The following ANXA3 variants were observed in gnomAD, a reference collection of about 807,000 sequenced individuals.
ANXA3 encodes annexin A3.
ANXA3 carries 46 observed loss-of-function variants against 48.8 expected under a neutral mutation model. The ratio of observed to expected loss-of-function variants is 0.94; its 90% CI spans 0.74 to 1.21. ANXA3 has a LOEUF of 1.21. Ranked by LOEUF, ANXA3 falls within the 50% of genes most tolerant of loss-of-function variation. ANXA3 has a pLI of 0.00. For missense variants in ANXA3, 383 were observed against 378.6 expected (o/e 1.01, Z -0.10); for synonymous variants, 128 against 134.7 (o/e 0.95, Z 0.35).
At chr4:78,585,298 A>C (rs1723148399) in intron 5 of ANXA3, among the ~76,000 whole-genome samples, 1 of 152,216 alleles carries the variant, frequency 6.6e-6, no homozygotes, top group Admixed American at 6.5e-5. Context: ...CCATTATCAG[A>C]GACTCAGTCT....
intron 2 of ANXA3, among the ~76,000 whole-genome samples, chr4:78,555,702 T>G (rs1327440106): frequency 1.3e-5 from 2 of 151,338 alleles, no homozygotes; most frequent in East Asian, 3.9e-4. Context: ...ACTTTAAAAA[T>G]TAGCTGAACG....
At chr4:78,606,575 C>A (rs1475173215) in intron 12 of ANXA3, among the ~76,000 whole-genome samples, 1 of 152,108 alleles carries the variant, frequency 6.6e-6, no homozygotes, top group African/African-American at 2.4e-5. Context: ...TCGCTATGGC[C>A]CTACCCACAA....
chr4:78,566,185 A>G lies in ANXA3; in HGVS notation c.16-6995A>G, dbSNP rs570344494. Reference sequence around the variant, plus strand: ...CCAAGGGGTCAAGGCTTCTTATTATAACTCATGTGTCATGGAAAATACAAC... The same window carrying G: ...CCAAGGGGTCAAGGCTTCTTATTATGACTCATGTGTCATGGAAAATACAAC... On this transcript the variant is annotated intron_variant, in intron 2 of 12. Coordinates refer to ENST00000264908, the MANE Select transcript of ANXA3 (RefSeq NM_005139.3). Among the ~76,000 whole-genome samples, 4 of 152,236 alleles carry G rather than the reference A, an allele frequency of 2.6e-5. No homozygotes were observed. In the East Asian group the frequency reaches 7.7e-4, roughly 29 times the overall value.
chr4:78,578,001 G>A (rs768578451), intron 3 of ANXA3, among the ~76,000 whole-genome samples: 2 of 151,926 alleles, frequency 1.3e-5, no homozygotes, highest in Non-Finnish European at 2.9e-5. Flanking sequence ...GAGAGAGGCC[G>A]GGTACGGTGG....
intron 2 of ANXA3, among the ~76,000 whole-genome samples, chr4:78,566,601 G>A (rs1053316442): frequency 8.3e-5 from 12 of 144,696 alleles, no homozygotes; most frequent in Admixed American, 2.1e-4. Flanking sequence ...TTATAAGTGG[G>A]AGCTAAACAA....
chr4:78,575,193 A>AT (rs748004301), intron 3 of ANXA3, among the ~76,000 whole-genome samples: 16 of 151,508 alleles, frequency 1.1e-4, no homozygotes, highest in Non-Finnish European at 2.4e-4. Context: ...TATTTTATCT[A>AT]TTTTTTTCAG....
Position 78,591,603 on chromosome 4 carries a change from G to C in ANXA3, c.463G>C (p.Ala155Pro). ...SSETSGDFRK[A>P]LLTLADGRRD... ...CGAAACATCTGGTGACTTCCGGAAA[G>C]CTCTGTTGACTTTGGCAGATGTAAG... Residue 155 changes from alanine to proline, a missense_variant, in exon 7 of 13, where the codon GCT (alanine) becomes CCT (proline). Ala to Pro is a conservative substitution (Grantham distance 27). Transcript: ENST00000264908. 6.2e-7 allele frequency: 1 copy of C among 1,613,502 alleles called. No individual in the cohort carries two copies. The highest frequency in any genetic ancestry group is 8.5e-7 in the Non-Finnish European group (1 of 1,179,552).
chr4:78,601,835 T>G lies in ANXA3; in HGVS notation c.789+267T>G, dbSNP rs539095922. On this transcript the variant is annotated intron_variant, in intron 11 of 12. Coordinates refer to ENST00000264908, the MANE Select transcript of ANXA3 (RefSeq NM_005139.3). ...TGATTTCTATTTAACTAAAACATTC[T>G]CATTTTCTCTAATATGATGAGTTTA... The G allele has an allele frequency of 1.3e-5, 4 of 314,734 alleles. No homozygotes were observed. The East Asian group carries it at 2.2e-4, about 17-fold the overall frequency. The allele number at this position is 314,734 out of a possible 1,614,324, so 19.5% of individuals were successfully genotyped here. A position where few individuals can be genotyped will look rare whatever the true frequency, so the allele number is the denominator to read the frequency against.
intron 2 of ANXA3, among the ~76,000 whole-genome samples, chr4:78,563,313 G>C (rs1722661501): frequency 6.6e-6 from 1 of 152,166 alleles, no homozygotes; most frequent in African/African-American, 2.4e-5. Flanking sequence ...CATCCTCATA[G>C]GAGTGAGGTG....
At position 78,557,557 on chromosome 4, in the gene ANXA3, T is replaced by C. The variant is rs181408811; in HGVS notation, c.15+3069T>C. On this transcript the variant is annotated intron_variant, in intron 2 of 12. Transcript: ENST00000264908. ...TATGGCTACATCAGGGATGGTAGCA[T>C]TTGGCATCAGATAGCAGGAAAGAGG... is the stretch of plus-strand genomic sequence containing the variant. Among the ~76,000 whole-genome samples the C allele has an allele frequency of 2.6e-3, 395 of 152,242 alleles. 3 individuals are homozygous for C. The highest frequency in any genetic ancestry group is 4.7e-3 in the Non-Finnish European group (318 of 68,022).
At chr4:78,598,707 C>T (rs1469555973) in intron 10 of ANXA3, among the ~76,000 whole-genome samples, 5 of 151,762 alleles carry the variant, frequency 3.3e-5, no homozygotes, top group Non-Finnish European at 7.4e-5. Flanking sequence ...GCCTGGCTAA[C>T]GTTTGTATTT....
intron 7 of ANXA3, among the ~76,000 whole-genome samples, chr4:78,593,428 C>T (rs1174138153): frequency 6.6e-6 from 1 of 151,528 alleles, no homozygotes; most frequent in Non-Finnish European, 1.5e-5. Flanking sequence ...TCTCAAACTC[C>T]TGACCTCAAT....
rs149448938 is a variant in ANXA3 at position 78,601,370 on chromosome 4, A to C, written c.731-140A>C. 4.6e-4 allele frequency: 312 copies of C among 675,196 alleles called. 2 individuals carry two copies. In the East Asian group the frequency reaches 8.6e-3, roughly 19 times the overall value. 41.8% of individuals were successfully genotyped at this position (675,196 alleles called of 1,614,324 possible). ...AATCAGGGTAAGCAGCCTTTCTTTC[A>C]TTCCAAGTAAAAGCCAGTTGTGGGG... On this transcript the variant is annotated intron_variant, in intron 10 of 12. Transcript: ENST00000264908.
chr4:78,554,331 G>A, intron 1 of ANXA3, 105 bp from the exon 2 acceptor site: 1 of 802,748 alleles, frequency 1.2e-6, no homozygotes, highest in South Asian at 1.5e-5. Context: ...GTTTTTCTGT[G>A]AATGTTGACA....
rs1056145136 is a variant in ANXA3 at position 78,560,588 on chromosome 4, C to T, written c.15+6100C>T. On this transcript the variant is annotated intron_variant, in intron 2 of 12. Transcript: ENST00000264908. ...AGTGTCCAGAATTGTAATTGGAGTTCCATTATGTAGACACGAATGATTGAT... is the reference window on the plus strand; with the variant it reads ...AGTGTCCAGAATTGTAATTGGAGTTTCATTATGTAGACACGAATGATTGAT... Among the ~76,000 whole-genome samples the T allele has an allele frequency of 2.0e-5, 3 of 152,278 alleles. No homozygotes were observed. The South Asian group carries it at 6.2e-4, about 32-fold the overall frequency.
chr4:78,562,284 A>G (rs189034398), intron 2 of ANXA3, among the ~76,000 whole-genome samples: 80 of 152,356 alleles, frequency 5.3e-4, no homozygotes, highest in African/African-American at 1.8e-3. Context: ...GTCTCACATG[A>G]ATTATAAGAG....
At chr4:78,593,543 G>A (rs1353384968) in intron 7 of ANXA3, among the ~76,000 whole-genome samples, 2 of 150,734 alleles carry the variant, frequency 1.3e-5, no homozygotes, top group Non-Finnish European at 2.9e-5. Flanking sequence ...ACTTTTTAGA[G>A]CAGCTTCAGA....
At chr4:78,587,822 G>A (rs747814154) in intron 6 of ANXA3, among the ~76,000 whole-genome samples, 3 of 152,172 alleles carry the variant, frequency 2.0e-5, no homozygotes, top group African/African-American at 4.8e-5. Context: ...GGCCGGGTGC[G>A]GTGACTCACG....
chr4:78,553,921 C>T (rs1425397541), intron 1 of ANXA3: 1 of 152,696 alleles, frequency 6.5e-6, no homozygotes, highest in Non-Finnish European at 1.5e-5. Flanking sequence ...ACTGGACCAC[C>T]TCCTCAAAGA....
Sources: gnomAD v4.1 joint callset for allele counts (sites outside exome capture counted in the v4.1 genomes callset) on GRCh38, gnomAD v4.1.1 for gene constraint, MANE v1.5 for transcripts, NCBI Gene and HGNC (gene_info 2026-07-23, HGNC 2026-07-21) for gene names.